Variants in CCDC66 observed in about 807,000 individuals in gnomAD.
CCDC66 encodes the protein coiled-coil domain containing 66, also known as coiled-coil domain-containing protein 66.
In CCDC66, 133 loss-of-function variants were observed where a neutral mutation model predicts 128.3. The observed-to-expected ratio is 1.04, with a 90% CI of 0.90 to 1.20. CCDC66 has a LOEUF of 1.20. Among genes scored for constraint, CCDC66 ranks in the 50% most tolerant of loss-of-function variants. The pLI is 0.00. For missense variants in CCDC66, 1,126 were observed against 1,075.5 expected (o/e 1.05, Z -0.66); for synonymous variants, 387 against 357.0 (o/e 1.08, Z -0.95).
intron 10 of CCDC66, among the ~76,000 whole-genome samples, chr3:56,594,304 T>C (rs2071464177): frequency 6.6e-6 from 1 of 152,028 alleles, no homozygotes; most frequent in Non-Finnish European, 1.5e-5. Flanking sequence ...GGTTTTTTTT[T>C]TTTTCATCAA....
At chr3:56,576,713 A>C (rs1401482498) in intron 7 of CCDC66, among the ~76,000 whole-genome samples, 2 of 151,546 alleles carry the variant, frequency 1.3e-5, no homozygotes, top group African/African-American at 2.4e-5. Flanking sequence ...AGCTTCATCC[A>C]TGTCCCTACA....
chr3:56,584,985 G>A lies in CCDC66; in HGVS notation c.937-7985G>A, dbSNP rs550669387. Among the ~76,000 whole-genome samples, 285 of 151,842 alleles carry A rather than the reference G, an allele frequency of 1.9e-3. 3 individuals carry two copies. Among genetic ancestry groups the A allele is most frequent in the Non-Finnish European group, 3.2e-3 (219 of 68,016 alleles). On this transcript the variant is annotated intron_variant, in intron 7 of 17. Transcript: ENST00000394672. ...CACACGCCTGCAGTCGCAGGCACTC[G>A]GCAGGCTGAGGCGGGAGAATCAGGC...
chr3:56,593,376 TATG>T (rs1253526538), intron 8 of CCDC66, 112 bp from the exon 9 acceptor site: 2 of 1,159,820 alleles, frequency 1.7e-6, no homozygotes, highest in Non-Finnish European at 2.4e-6. Flanking sequence ...TGTTAATTTT[TATG>T]ATGCTTATTC....
rs534544165 is a variant in CCDC66, at chr3:56,569,191, A to G, written c.815-1990A>G. The stretch of plus-strand genomic sequence containing the variant: ...ACCCTATCTCTACAAAAAAACAGAG[A>G]GAAGCAGCAGAAATAAGGAGTGAAT... On this transcript the variant is annotated intron_variant, in intron 6 of 17. Transcript: ENST00000394672. 36 of 164,720 alleles carry G rather than the reference A, an allele frequency of 2.2e-4. No homozygotes were observed. The South Asian group carries it at 5.0e-3, about 23-fold the overall frequency. 10.2% of individuals were successfully genotyped at this position (164,720 alleles called of 1,614,324 possible). A position where few individuals can be genotyped will look rare whatever the true frequency, so the allele number is the denominator to read the frequency against.
chr3:56,601,970 A>C (rs2107144128), intron 10 of CCDC66, among the ~76,000 whole-genome samples: 1 of 152,098 alleles, frequency 6.6e-6, no homozygotes, highest in South Asian at 2.1e-4. Context: ...TTTCTTTCTC[A>C]TGCCTGATTG....
chr3:56,577,232 G>A (rs2067528889), intron 7 of CCDC66, among the ~76,000 whole-genome samples: 1 of 151,810 alleles, frequency 6.6e-6, no homozygotes, highest in Non-Finnish European at 1.5e-5. Context: ...TTTGAGAAGT[G>A]TCTGTTCATA....
rs771046904 is a variant in CCDC66, at chr3:56,613,743, A to C, written c.1559A>C (p.Gln520Pro). ...QYEEDILKQK[Q>P]KEEIMTLKTN... ...GAAGAAGACATACTTAAGCAAAAAC[A>C]AAAGGAAGTAGGTACTTACATTCTA... is the stretch of plus-strand genomic sequence containing the variant. Residue 520 changes from glutamine (Q) to proline (P), a missense_variant, in exon 11 of 18, where the codon CAA becomes CCA. Coordinates refer to ENST00000394672, the MANE Select transcript of CCDC66 (RefSeq NM_001141947.3). The C allele has an allele frequency of 5.6e-6, 9 of 1,605,984 alleles. No homozygotes were observed. The South Asian group carries it at 9.0e-5, about 16-fold the overall frequency.
chr3:56,584,386 C>T lies in CCDC66; in HGVS notation c.937-8584C>T, dbSNP rs570381866. Among the ~76,000 whole-genome samples the T allele has an allele frequency of 1.7e-3, 258 of 147,480 alleles. 11 individuals are homozygous for T. In the South Asian group the frequency reaches 0.053, roughly 30 times the overall value. The stretch of plus-strand genomic sequence containing the variant: ...CCTCACTTCTCAGACGGGGCGGCTG[C>T]CGGGTGGAGGGGCTCCTCACTTCTC... On this transcript the variant is annotated intron_variant, in intron 7 of 17. Coordinates refer to ENST00000394672, the MANE Select transcript of CCDC66 (RefSeq NM_001141947.3).
chr3:56,557,365 A>G lies in CCDC66; in HGVS notation c.11+112A>G, dbSNP rs888973143. 6.4e-6 allele frequency: 9 copies of G among 1,399,170 alleles called. No individual in the cohort carries two copies. The South Asian group carries it at 6.8e-5, about 11-fold the overall frequency. The allele number at this position is 1,399,170 out of a possible 1,614,324, so 86.7% of individuals were successfully genotyped here. On this transcript the variant is annotated intron_variant, in intron 1 of 17. Transcript: ENST00000394672. ...GAGTCTTTACTGGAGAACGTTCCCA[A>G]CCTGCGCCGCCGAGAGGGGCAGAGC... is the stretch of plus-strand genomic sequence containing the variant.
chr3:56,601,515 G>C (rs71309965), intron 10 of CCDC66, among the ~76,000 whole-genome samples: 3 of 151,984 alleles, frequency 2.0e-5, no homozygotes, highest in Non-Finnish European at 4.4e-5. Context: ...TGAAGAAAGT[G>C]AGTGGTAGCT....
intron 6 of CCDC66, among the ~76,000 whole-genome samples, chr3:56,567,971 T>A (rs2066110823): frequency 6.6e-6 from 1 of 152,154 alleles, no homozygotes; most frequent in African/African-American, 2.4e-5. Context: ...ATTACAGGCG[T>A]GAGCCACCAC....
chr3:56,617,468 A>C lies in CCDC66; in HGVS notation c.2200A>C (p.Arg734=). ...GCAGAGAGAAGAAAAAAAAGTAAGGAGGCAGATGGAATTGCTTCATTTGGT... is the reference window on the plus strand; with the variant it reads ...GCAGAGAGAAGAAAAAAAAGTAAGGCGGCAGATGGAATTGCTTCATTTGGT... ...QKQREEKKVR[R]QMELLHLVEK... Residue 734 remains arginine (R), a synonymous_variant, in exon 14 of 18, where the codon AGG becomes CGG. Coordinates refer to ENST00000394672, the MANE Select transcript of CCDC66 (RefSeq NM_001141947.3). 6.2e-7 allele frequency: 1 copy of C among 1,614,088 alleles called. No homozygotes were observed. Among genetic ancestry groups the C allele is most frequent in the Non-Finnish European group, 8.5e-7 (1 of 1,180,002 alleles).
chr3:56,620,980 GTC>G (rs1553717528), intron 17 of CCDC66: 3 of 140,508 alleles, frequency 2.1e-5, no homozygotes, highest in Non-Finnish European at 4.6e-5. Flanking sequence ...GTGAAACCCT[GTC>G]TCTACTAAAA....
intron 7 of CCDC66, among the ~76,000 whole-genome samples, chr3:56,576,927 T>A (rs2067476569): frequency 6.6e-6 from 1 of 151,864 alleles, no homozygotes; most frequent in Admixed American, 6.6e-5. Flanking sequence ...ATCCTTTGGG[T>A]ATATACCCAG....
At chr3:56,616,295 T>G (rs2075498652) in intron 13 of CCDC66, 1 of 378,646 alleles carries the variant, frequency 2.6e-6, no homozygotes, top group African/African-American at 2.2e-5. Context: ...TCTAAAACAT[T>G]TTGATCACTC....
At chr3:56,577,078 A>G (rs1003725370) in intron 7 of CCDC66, among the ~76,000 whole-genome samples, 4 of 151,720 alleles carry the variant, frequency 2.6e-5, no homozygotes. Flanking sequence ...CCTCTCTAGC[A>G]CCTGTTGTTC....
chr3:56,592,525 ATT>A (rs11386043), intron 7 of CCDC66, among the ~76,000 whole-genome samples: 1 of 142,110 alleles, frequency 7.0e-6, no homozygotes. Context: ...CAGCTGGCTA[ATT>A]TTTTTTTTTT....
At chr3:56,616,862 C>A in intron 13 of CCDC66, 1 of 360,220 alleles carries the variant, frequency 2.8e-6, no homozygotes, top group Non-Finnish European at 4.9e-6. Context: ...TGCATTTCCC[C>A]CCCAGTGACT....
chr3:56,609,067 G>A (rs978967452), intron 10 of CCDC66, among the ~76,000 whole-genome samples: 1 of 152,150 alleles, frequency 6.6e-6, no homozygotes, highest in African/African-American at 2.4e-5. Context: ...CTTTTGAATA[G>A]AATGTGTATT....
Sources: allele counts gnomAD v4.1 joint callset (sites outside exome capture counted in the v4.1 genomes callset), GRCh38; gene constraint gnomAD v4.1.1; transcripts MANE v1.5; gene names NCBI Gene and HGNC (gene_info 2026-07-23, HGNC 2026-07-21).